The following SFRP5 variants were observed in gnomAD, a reference collection of about 807,000 sequenced individuals.
SFRP5 encodes the protein secreted frizzled related protein 5.
In SFRP5, 22 loss-of-function variants were observed where a neutral mutation model predicts 27.0. That is an observed-to-expected ratio of 0.82 (90% CI 0.58 to 1.17). SFRP5 has a LOEUF of 1.17. Ranked by LOEUF, SFRP5 falls within the 50% of genes most tolerant of loss-of-function variation. The pLI, the probability that SFRP5 is intolerant of heterozygous loss-of-function variation, is 0.00. For synonymous variants in SFRP5, 171 were observed against 195.0 expected, an observed-to-expected ratio of 0.88 and a Z score of 1.03; for missense variants, 406 against 436.6, an observed-to-expected ratio of 0.93 and a Z score of 0.63.
chr10:97,771,346 A>G lies in SFRP5; in HGVS notation c.488T>C (p.Ile163Thr). The change falls in exon 1 of 3, where the codon ATC becomes ACC. Residue 163 changes from isoleucine to threonine, a missense_variant. Coordinates refer to ENST00000266066, the MANE Select transcript of SFRP5 (RefSeq NM_003015.3). This position sits in a 1 kb window ranked among gnomAD's most constrained non-coding sequence, Gnocchi z 5.2. ...GGGCAGGTGCCCGAACTGCACGGCG[A>G]TGCAGAGGTCGTTGTCCAGGGGGAA... is the stretch of plus-strand genomic sequence containing the variant. ...HKFPLDNDLC[I>T]AVQFGHLPAT... 6.2e-7 allele frequency: 1 copy of G among 1,606,738 alleles called. No homozygotes were observed. The highest frequency in any genetic ancestry group is 8.5e-7 in the Non-Finnish European group (1 of 1,176,678).
intron 1 of SFRP5, 64 bp from the exon 2 acceptor site, chr10:97,769,809 C>G: frequency 8.6e-7 from 1 of 1,167,232 alleles, no homozygotes; most frequent in Non-Finnish European, 1.3e-6. Context: ...TTCCAAGAGC[C>G]ACTTGGGGTG....
In SFRP5 at chr10:97,771,524, T is replaced by C. The variant is rs1335536058; in HGVS notation, c.310A>G (p.Thr104Ala). The change falls in exon 1 of 3, where the codon ACG (threonine) becomes GCG (alanine). Residue 104 changes from threonine to alanine, a missense_variant. By Grantham distance (58) the Thr-to-Ala change is moderately conservative. Transcript: ENST00000266066. This position sits in a 1 kb window ranked among gnomAD's most constrained non-coding sequence, Gnocchi z 5.2. ...PLLAKRCHSD[T>A]QVFLCSLFAP... ...AAGAGCGAGCACAGGAAGACCTGCG[T>C]ATCCGAGTGGCAGCGCTTGGCCAGC... 1 of 1,610,284 alleles carries C rather than the reference T, an allele frequency of 6.2e-7. No homozygotes were observed.
In SFRP5 at chr10:97,767,620, C is replaced by T. The variant is rs148217169; in HGVS notation, c.848G>A (p.Arg283His). 5.3e-5 allele frequency: 86 copies of T among 1,613,844 alleles called. No individual in the cohort carries two copies. The highest frequency in any genetic ancestry group is 1.9e-4 in the South Asian group (17 of 91,074). Residue 283 changes from arginine (R) to histidine (H), a missense_variant, in exon 3 of 3, where the codon CGC becomes CAC. Coordinates refer to ENST00000266066, the MANE Select transcript of SFRP5 (RefSeq NM_003015.3). Reference sequence around the variant, plus strand: ...CATCTCCTTATTCTTCTTGTCCCAGCGGTAGACGGCCATGAGCAGCAGCTG... The same window carrying T: ...CATCTCCTTATTCTTCTTGTCCCAGTGGTAGACGGCCATGAGCAGCAGCTG... ...DGQLLLMAVY[R>H]WDKKNKEMKF...
Position 97,767,671 on chromosome 10 carries a change from A to G in SFRP5, c.797T>C (p.Leu266Pro). The change falls in exon 3 of 3, where the codon CTG becomes CCG. Residue 266 changes from leucine to proline, a missense_variant. Coordinates refer to ENST00000266066, the MANE Select transcript of SFRP5 (RefSeq NM_003015.3). ...PQLDSLAGSF[L>P]VMGRKVDGQL... ...TCCATCCACTTTGCGGCCCATGACC[A>G]GGAAGCTGCCCGCCAGGCTGTCCAG... 3.1e-6 allele frequency: 5 copies of G among 1,614,118 alleles called. No homozygotes were observed. Among genetic ancestry groups the G allele is most frequent in the Non-Finnish European group, 3.4e-6 (4 of 1,180,030 alleles).
chr10:97,771,718 G>T lies in SFRP5; in HGVS notation c.116C>A (p.Ala39Asp). Residue 39 changes from alanine to aspartate, a missense_variant, in exon 1 of 3, where the codon GCC (alanine) becomes GAC (aspartate). Coordinates refer to ENST00000266066, the MANE Select transcript of SFRP5 (RefSeq NM_003015.3). This position sits in a 1 kb window ranked among gnomAD's most constrained non-coding sequence, Gnocchi z 5.2. Reference protein sequence around the residue: ...CEEYDYYGWQAEPLHGRSYSK... With the variant: ...CEEYDYYGWQDEPLHGRSYSK... The stretch of plus-strand genomic sequence containing the variant: ...GTAGGAGCGGCCGTGCAGCGGCTCG[G>T]CCTGCCAGCCATAGTAGTCGTACTC... 6.3e-7 allele frequency: 1 copy of T among 1,596,344 alleles called. No individual in the cohort carries two copies. Among genetic ancestry groups the T allele is most frequent in the East Asian group, 2.2e-5 (1 of 44,784 alleles).
Position 97,771,441 on chromosome 10 carries a change from C to A in SFRP5, c.393G>T (p.Val131=), listed in dbSNP as rs1435150576. Reference sequence around the variant, plus strand: ...CCATGAGCGGCGCGCAGCCGGCGCGCACGGCCTCGCACAGCGAGCGGCACG... The same window carrying A: ...CCATGAGCGGCGCGCAGCCGGCGCGAACGGCCTCGCACAGCGAGCGGCACG... ...IYPCRSLCEA[V]RAGCAPLMEA... Residue 131 remains valine, a synonymous_variant, in exon 1 of 3, where the codon GTG becomes GTT. Coordinates refer to ENST00000266066, the MANE Select transcript of SFRP5 (RefSeq NM_003015.3). The surrounding 1 kb of genome is among the most constrained non-coding windows in gnomAD (Gnocchi z 5.2). 4 of 1,612,718 alleles carry A rather than the reference C, an allele frequency of 2.5e-6. No individual in the cohort carries two copies. In the South Asian group the frequency reaches 4.4e-5, roughly 18 times the overall value.
At position 97,771,962 on chromosome 10, in the gene SFRP5, C is replaced by T; in HGVS notation, c.-129G>A. Reference sequence around the variant, plus strand: ...CCGCCGCCGCCGCCGCGGAGGTCGCCCAGGTGGGTGGCAGCCTGCGCTGCG... The same window carrying T: ...CCGCCGCCGCCGCCGCGGAGGTCGCTCAGGTGGGTGGCAGCCTGCGCTGCG... On this transcript the variant is annotated 5_prime_UTR_variant, in exon 1 of 3. Transcript: ENST00000266066. The surrounding 1 kb of genome is among the most constrained non-coding windows in gnomAD (Gnocchi z 5.2). The T allele has an allele frequency of 1.5e-6, 1 of 651,246 alleles. No homozygotes were observed. Among genetic ancestry groups the T allele is most frequent in the African/African-American group, 2.0e-5 (1 of 50,756 alleles). The allele number at this position is 651,246 out of a possible 1,614,324, so 40.3% of individuals were successfully genotyped here. A position where few individuals can be genotyped will look rare whatever the true frequency, so the allele number is the denominator to read the frequency against.
At chr10:97,768,740 C>T (rs1471393466) in intron 2 of SFRP5, among the ~76,000 whole-genome samples, 5 of 151,946 alleles carry the variant, frequency 3.3e-5, no homozygotes, top group African/African-American at 1.2e-4. Flanking sequence ...GCAGGTCACC[C>T]TACAGTGGAC....
chr10:97,770,961 T>TA (rs1160252958), intron 1 of SFRP5, among the ~76,000 whole-genome samples: 2 of 152,050 alleles, frequency 1.3e-5, no homozygotes, highest in African/African-American at 4.8e-5. Context: ...AGAGGGGTCA[T>TA]AAGGCATTTA....
Position 97,767,507 on chromosome 10 carries a change from G to A in SFRP5, c.*7C>T, listed in dbSNP as rs2049491125. Reference sequence around the variant, plus strand: ...GGCACAGCTGGCAGGGCAAGGAGGAGTGCCCTTCAGTGGGGCTCTGCCGCC... The same window carrying A: ...GGCACAGCTGGCAGGGCAAGGAGGAATGCCCTTCAGTGGGGCTCTGCCGCC... On this transcript the variant is annotated 3_prime_UTR_variant, in exon 3 of 3. Coordinates refer to ENST00000266066, the MANE Select transcript of SFRP5 (RefSeq NM_003015.3). The A allele has an allele frequency of 2.5e-6, 4 of 1,583,222 alleles. No individual in the cohort carries two copies. The South Asian group carries it at 4.6e-5, about 18-fold the overall frequency.
chr10:97,769,627 G>A (rs1423820635), intron 2 of SFRP5, 41 bp downstream of exon 2: 4 of 1,369,656 alleles, frequency 2.9e-6, no homozygotes, highest in Middle Eastern at 1.9e-4. Flanking sequence ...GAGGGGCTGG[G>A]GGTGATGTCG....
chr10:97,770,283 T>C (rs2049507449), intron 1 of SFRP5, among the ~76,000 whole-genome samples: 1 of 152,222 alleles, frequency 6.6e-6, no homozygotes, highest in African/African-American at 2.4e-5. Flanking sequence ...TTGGCCAGGC[T>C]GGTCTAGAAC....
At position 97,771,730 on chromosome 10, in the gene SFRP5, T is replaced by C. The variant is rs1431316433; in HGVS notation, c.104A>G (p.Tyr35Cys). 5 of 1,596,454 alleles carry C rather than the reference T, an allele frequency of 3.1e-6. No homozygotes were observed. Among genetic ancestry groups the C allele is most frequent in the Admixed American group, 1.7e-5 (1 of 59,898 alleles). Residue 35 changes from tyrosine to cysteine, a missense_variant, in exon 1 of 3, where the codon TAT becomes TGT. Coordinates refer to ENST00000266066, the MANE Select transcript of SFRP5 (RefSeq NM_003015.3). This position sits in a 1 kb window ranked among gnomAD's most constrained non-coding sequence, Gnocchi z 5.2. The stretch of plus-strand genomic sequence containing the variant: ...GTGCAGCGGCTCGGCCTGCCAGCCA[T>C]AGTAGTCGTACTCCTCGCAGCGCGC... ...APARCEEYDY[Y>C]GWQAEPLHGR...
intron 1 of SFRP5, among the ~76,000 whole-genome samples, chr10:97,770,318 C>T (rs2049507615): frequency 6.6e-6 from 1 of 152,208 alleles, no homozygotes; most frequent in Non-Finnish European, 1.5e-5. Context: ...GATTCACCCA[C>T]CTTGGCCTCC....
chr10:97,771,412 G>A lies in SFRP5; in HGVS notation c.422C>T (p.Ala141Val), dbSNP rs1564849053. The A allele has an allele frequency of 6.2e-7, 1 of 1,613,018 alleles. No homozygotes were observed. The highest frequency in any genetic ancestry group is 8.5e-7 in the Non-Finnish European group (1 of 1,179,576). ...VRAGCAPLMEAYGFPWPEMLH... is the reference protein window; with the variant it reads ...VRAGCAPLMEVYGFPWPEMLH... ...CATCTCAGGCCAGGGGAAGCCGTAG[G>A]CCTCCATGAGCGGCGCGCAGCCGGC... The change falls in exon 1 of 3, where the codon GCC (alanine) becomes GTC (valine). Residue 141 changes from alanine (A) to valine (V), a missense_variant. Coordinates refer to ENST00000266066, the MANE Select transcript of SFRP5 (RefSeq NM_003015.3). This position sits in a 1 kb window ranked among gnomAD's most constrained non-coding sequence, Gnocchi z 5.2.
rs940184823 is a variant in SFRP5 at position 97,771,479 on chromosome 10, G to T, written c.355C>A (p.Arg119=). 3.1e-6 allele frequency: 5 copies of T among 1,611,918 alleles called. No individual in the cohort carries two copies. The African/African-American group carries it at 6.7e-5, about 22-fold the overall frequency. The change falls in exon 1 of 3, where the codon CGG becomes AGG. Residue 119 remains arginine (R), a synonymous_variant. Coordinates refer to ENST00000266066, the MANE Select transcript of SFRP5 (RefSeq NM_003015.3). This position sits in a 1 kb window ranked among gnomAD's most constrained non-coding sequence, Gnocchi z 5.2. ...CSLFAPVCLD[R]PIYPCRSLCE... is the part of the protein sequence containing the mutation. The stretch of plus-strand genomic sequence containing the variant: ...AGCGAGCGGCACGGGTAGATGGGCC[G>T]GTCGAGACAGACGGGCGCAAAGAGC...
chr10:97,771,396 C>G lies in SFRP5; in HGVS notation c.438G>C (p.Trp146Cys), dbSNP rs139922168. 2.5e-6 allele frequency: 4 copies of G among 1,612,766 alleles called. No individual in the cohort carries two copies. In the South Asian group the frequency reaches 4.4e-5, roughly 18 times the overall value. Residue 146 changes from tryptophan to cysteine, a missense_variant, in exon 1 of 3, where the codon TGG (tryptophan) becomes TGC (cysteine). Coordinates refer to ENST00000266066, the MANE Select transcript of SFRP5 (RefSeq NM_003015.3). The surrounding 1 kb of genome is among the most constrained non-coding windows in gnomAD (Gnocchi z 5.2). ...APLMEAYGFP[W>C]PEMLHCHKFP... ...ACTTGTGGCAGTGCAGCATCTCAGG[C>G]CAGGGGAAGCCGTAGGCCTCCATGA...
At position 97,771,757 on chromosome 10, in the gene SFRP5, G is replaced by A. The variant is rs781715289; in HGVS notation, c.77C>T (p.Pro26Leu). The A allele has an allele frequency of 2.7e-5, 43 of 1,589,348 alleles. 1 individual carries two copies. The highest frequency in any genetic ancestry group is 3.5e-5 in the Non-Finnish European group (41 of 1,176,678). The change falls in exon 1 of 3, where the codon CCG becomes CTG. Residue 26 changes from proline (P) to leucine (L), a missense_variant. Physicochemically the swap from Pro to Leu is moderately conservative, Grantham distance 98. Transcript: ENST00000266066. The surrounding 1 kb of genome is among the most constrained non-coding windows in gnomAD (Gnocchi z 5.2). ...ALLLGALHWA[P>L]ARCEEYDYYG... ...GTAGTCGTACTCCTCGCAGCGCGCC[G>A]GCGCCCAGTGCAGCGCCCCCAGCAG...
intron 2 of SFRP5, among the ~76,000 whole-genome samples, chr10:97,768,120 A>G (rs529887291): frequency 6.6e-6 from 1 of 152,254 alleles, no homozygotes; most frequent in East Asian, 1.9e-4. Context: ...ACCTGCGTGA[A>G]TCGAGAGTCC....
Sources: gnomAD v4.1 joint callset for allele counts (sites outside exome capture counted in the v4.1 genomes callset) on GRCh38, gnomAD v4.1.1 for gene constraint, Gnocchi (gnomAD v3.1) non-coding constraint, MANE v1.5 for transcripts, NCBI Gene and HGNC (gene_info 2026-07-23, HGNC 2026-07-21) for gene names.